The following ANO3 variants were observed in gnomAD, a reference collection of about 807,000 sequenced individuals.
The protein encoded by ANO3 is anoctamin-3.
A neutral mutation model predicts 144.8 loss-of-function variants in ANO3; 99 were observed. The ratio of observed to expected loss-of-function variants is 0.68; its 90% confidence interval spans 0.58 to 0.81. The LOEUF is 0.81. ANO3 is among the 30% of genes least tolerant of loss of function. The pLI is 0.00. For synonymous variants in ANO3, 414 were observed against 392.6 expected (o/e 1.05, Z -0.64); for missense variants, 905 against 1,202.2 (o/e 0.75, Z 3.66).
chr11:26,596,173 C>A (rs370831524), intron 14 of ANO3, among the ~76,000 whole-genome samples: 10 of 121,644 alleles, frequency 8.2e-5, no homozygotes, highest in African/African-American at 2.7e-4. Flanking sequence ...CTATTTCTAT[C>A]TTTCTCTTTC....
chr11:26,534,411 C>G (rs1182464823), intron 8 of ANO3, 45 bp from the exon 9 acceptor site: 4 of 1,279,804 alleles, frequency 3.1e-6, no homozygotes, highest in Non-Finnish European at 4.5e-6. Flanking sequence ...TTGCTGGATT[C>G]TGTGTTCTGC....
intron 18 of ANO3, among the ~76,000 whole-genome samples, chr11:26,631,212 C>T (rs1323263648): frequency 1.3e-5 from 2 of 151,808 alleles, no homozygotes; most frequent in Non-Finnish European, 1.5e-5. Context: ...CATAACTAGA[C>T]TTCATAAATG....
At chr11:26,532,028 G>A (rs752014243) in intron 8 of ANO3, among the ~76,000 whole-genome samples, 1 of 152,170 alleles carries the variant, frequency 6.6e-6, no homozygotes, top group African/African-American at 2.4e-5. Flanking sequence ...AGGAAAAGGC[G>A]TGATGTATTG....
At chr11:26,417,992 G>T (rs556914398) in intron 1 of ANO3, among the ~76,000 whole-genome samples, 1 of 152,132 alleles carries the variant, frequency 6.6e-6, no homozygotes, top group Non-Finnish European at 1.5e-5. Flanking sequence ...AGAATCAATA[G>T]TATGTTCTGT....
intron 7 of ANO3, among the ~76,000 whole-genome samples, chr11:26,529,858 T>C (rs773087732): frequency 6.6e-6 from 1 of 152,104 alleles, no homozygotes. Flanking sequence ...ATAGAACTAG[T>C]TTATGAATGT....
intron 8 of ANO3, 78 bp downstream of exon 8, chr11:26,531,414 C>T (rs972624359): frequency 6.9e-7 from 1 of 1,450,938 alleles, no homozygotes; most frequent in Non-Finnish European, 9.2e-7. Context: ...ACACCTGGGA[C>T]CATTTCCATT....
chr11:26,430,266 G>A (rs955346924), intron 1 of ANO3, among the ~76,000 whole-genome samples: 6 of 145,770 alleles, frequency 4.1e-5, no homozygotes, highest in Non-Finnish European at 9.0e-5. Flanking sequence ...AAAAAAGTAA[G>A]TCTTAAAGGT....
At chr11:26,289,788 G>GTATA (rs201200726) in intron 1 of ANO3, among the ~76,000 whole-genome samples, 13 of 142,732 alleles carry the variant, frequency 9.1e-5, no homozygotes, top group African/African-American at 3.2e-4. Context: ...TATAATGCCA[G>GTATA]TATATATATA....
chr11:26,592,873 A>G (rs543271707), intron 14 of ANO3, among the ~76,000 whole-genome samples: 22 of 152,042 alleles, frequency 1.4e-4, no homozygotes, highest in Non-Finnish European at 2.8e-4. Context: ...GGAGGAAACT[A>G]TGTCCTCTCG....
chr11:26,275,357 C>G lies in ANO3; in HGVS notation c.155-34288C>G, dbSNP rs547898831. 9.9e-5 allele frequency among the ~76,000 whole-genome samples: 15 copies of G among 152,196 alleles called. No individual in the cohort carries two copies. The South Asian group carries it at 3.1e-3, about 32-fold the overall frequency. ...ACAGTATTTCATGGCTACACTCTCACTAGAGTGAAATATGATTCTTTAGAG... is the reference window on the plus strand; with the variant it reads ...ACAGTATTTCATGGCTACACTCTCAGTAGAGTGAAATATGATTCTTTAGAG... On this transcript the variant is annotated intron_variant, in intron 1 of 27. Transcript: ENST00000672621.
chr11:26,605,873 T>A (rs933634260), intron 17 of ANO3, among the ~76,000 whole-genome samples: 6 of 151,226 alleles, frequency 4.0e-5, no homozygotes, highest in African/African-American at 7.3e-5. Context: ...GTTAATCTTT[T>A]AAAAAAAAAC....
chr11:26,494,574 C>T (rs1231423532), intron 4 of ANO3, among the ~76,000 whole-genome samples: 1 of 152,198 alleles, frequency 6.6e-6, no homozygotes, highest in Admixed American at 6.5e-5. Context: ...TGAGTACCTT[C>T]ACTAATGCCC....
intron 14 of ANO3, among the ~76,000 whole-genome samples, chr11:26,597,575 G>A (rs538088649): frequency 2.6e-5 from 4 of 152,096 alleles, no homozygotes; most frequent in Non-Finnish European, 4.4e-5. Context: ...AGCTCAGCTC[G>A]AGCCGTAACA....
chr11:26,360,194 T>C (rs1433810979), intron 1 of ANO3, among the ~76,000 whole-genome samples: 7 of 128,424 alleles, frequency 5.5e-5, no homozygotes, highest in Non-Finnish European at 8.2e-5. Flanking sequence ...CCCTTTTTTT[T>C]TCCACTTACT....
intron 9 of ANO3, among the ~76,000 whole-genome samples, chr11:26,535,390 A>G (rs920959009): frequency 3.3e-5 from 5 of 152,158 alleles, no homozygotes; most frequent in Admixed American, 1.3e-4. Flanking sequence ...AATAGGTAAC[A>G]AACAAGATAT....
intron 14 of ANO3, among the ~76,000 whole-genome samples, chr11:26,597,157 C>T (rs1009831690): frequency 1.1e-4 from 16 of 152,270 alleles, no homozygotes; most frequent in South Asian, 6.2e-4. Context: ...CAAATGTTAC[C>T]GGCGGGTCTT....
chr11:26,231,931 GT>G (rs1201265430), intron 1 of ANO3, among the ~76,000 whole-genome samples: 3 of 152,136 alleles, frequency 2.0e-5, no homozygotes, highest in Non-Finnish European at 4.4e-5. Flanking sequence ...CATGCAGCTG[GT>G]TTTTCATAAA....
At chr11:26,278,306 T>C (rs1306763859) in intron 1 of ANO3, among the ~76,000 whole-genome samples, 2 of 152,096 alleles carry the variant, frequency 1.3e-5, no homozygotes, top group East Asian at 1.9e-4. Flanking sequence ...CTATTAATCT[T>C]GAAAATTGTG....
chr11:26,548,057 T>G (rs1590504928), intron 12 of ANO3, among the ~76,000 whole-genome samples: 1 of 152,112 alleles, frequency 6.6e-6, no homozygotes, highest in East Asian at 1.9e-4. Context: ...TTATACCACA[T>G]AAGTCCTGCT....
Sources: allele counts gnomAD v4.1 joint callset (sites outside exome capture counted in the v4.1 genomes callset), GRCh38; gene constraint gnomAD v4.1.1; transcripts MANE v1.5; gene names NCBI Gene and HGNC (gene_info 2026-07-23, HGNC 2026-07-21).